The following EDARADD variants were observed in gnomAD, a reference collection of about 807,000 sequenced individuals.
EDARADD encodes ectodysplasin-A receptor-associated adapter protein.
EDARADD carries 20 observed loss-of-function variants against 25.6 expected under a neutral mutation model. The ratio of observed to expected loss-of-function variants is 0.78; its 90% CI spans 0.55 to 1.14. The LOEUF (loss-of-function observed/expected upper bound fraction) is 1.14. EDARADD is among the 50% of genes most tolerant of loss of function. The pLI is 0.00. For missense variants in EDARADD, 225 were observed against 270.1 expected (o/e 0.83, Z 1.17); for synonymous variants, 86 against 94.4 (o/e 0.91, Z 0.52).
intron 3 of EDARADD, among the ~76,000 whole-genome samples, chr1:236,352,970 A>G (rs1666933810): frequency 6.6e-6 from 1 of 151,844 alleles, no homozygotes; most frequent in Non-Finnish European, 1.5e-5. Context: ...TGACCATGCC[A>G]TGGCACTTGA....
intron 3 of EDARADD, among the ~76,000 whole-genome samples, chr1:236,357,496 T>C (rs554164920): frequency 6.6e-6 from 1 of 152,320 alleles, no homozygotes; most frequent in South Asian, 2.1e-4. Context: ...AAGAAATACC[T>C]GAGACTGGGT....
chr1:236,455,703 G>C (rs1658839494), intron 4 of EDARADD, among the ~76,000 whole-genome samples: 1 of 152,348 alleles, frequency 6.6e-6, no homozygotes, highest in Non-Finnish European at 1.5e-5. Context: ...CAAAACAAGC[G>C]GTGAAAGGGT....
chr1:236,438,224 C>T (rs991828880), intron 4 of EDARADD, among the ~76,000 whole-genome samples: 2 of 152,220 alleles, frequency 1.3e-5, no homozygotes, highest in Non-Finnish European at 2.9e-5. Context: ...TCTGTAAGGA[C>T]CCCATTTCAA....
intron 3 of EDARADD, among the ~76,000 whole-genome samples, chr1:236,354,342 T>C (rs766858244): frequency 4.6e-5 from 7 of 152,176 alleles, no homozygotes; most frequent in Non-Finnish European, 7.3e-5. Context: ...ATACTTGGGT[T>C]CGAATCCAGC....
At chr1:236,405,200 C>T (rs909350246) in intron 1 of EDARADD, among the ~76,000 whole-genome samples, 2 of 152,144 alleles carry the variant, frequency 1.3e-5, no homozygotes, top group South Asian at 4.1e-4. Flanking sequence ...CATTGTTGTG[C>T]TTCAGAAAAC....
In EDARADD at chr1:236,483,433, T is replaced by C. The variant is rs1659739000; in HGVS notation, c.*784T>C. The stretch of plus-strand genomic sequence containing the variant: ...CTGAACGTCACAGAACAAGAGAAGA[T>C]TGACAAACTTATGATAGAGATGGAT... On this transcript the variant is annotated 3_prime_UTR_variant, in exon 6 of 6. Coordinates refer to ENST00000334232, the MANE Select transcript of EDARADD (RefSeq NM_145861.4). The C allele has an allele frequency of 2.7e-6, 3 of 1,112,920 alleles. No homozygotes were observed. The highest frequency in any genetic ancestry group is 1.2e-5 in the South Asian group (1 of 81,090). The allele number at this position is 1,112,920 out of a possible 1,614,324, so 68.9% of individuals were successfully genotyped here. A position where few individuals can be genotyped will look rare whatever the true frequency, so the allele number is the denominator to read the frequency against.
At chr1:236,419,220 G>A (rs938751499) in intron 3 of EDARADD, among the ~76,000 whole-genome samples, 1 of 151,670 alleles carries the variant, frequency 6.6e-6, no homozygotes, top group Non-Finnish European at 1.5e-5. Flanking sequence ...GACTCCTATC[G>A]CTCCAAAAAG....
intron 3 of EDARADD, among the ~76,000 whole-genome samples, chr1:236,363,006 A>AAAAAAAAAAAAAAAAAATATAT (rs1377112051): frequency 2.3e-5 from 1 of 42,950 alleles, no homozygotes; most frequent in African/African-American, 1.1e-4. Context: ...AAAAAAAAAA[A>AAAAAAAAAAAAAAAAAATATAT]ATATATATAT....
chr1:236,476,652 A>G (rs1380333711), intron 5 of EDARADD, among the ~76,000 whole-genome samples: 1 of 151,818 alleles, frequency 6.6e-6, no homozygotes, highest in Non-Finnish European at 1.5e-5. Flanking sequence ...CAGCCTCCCA[A>G]GTAGCTGGGA....
At chr1:236,479,219 G>A (rs1350069340) in intron 5 of EDARADD, among the ~76,000 whole-genome samples, 2 of 152,114 alleles carry the variant, frequency 1.3e-5, no homozygotes, top group African/African-American at 4.8e-5. Flanking sequence ...TCCCTGGCCA[G>A]TCACGGTGGC....
At chr1:236,417,145 T>C (rs1217358264) in intron 3 of EDARADD, among the ~76,000 whole-genome samples, 2 of 151,852 alleles carry the variant, frequency 1.3e-5, no homozygotes, top group Admixed American at 6.6e-5. Context: ...AATAAATAAA[T>C]AAGTTGTTTT....
Position 236,372,979 on chromosome 1 carries a change from G to A in EDARADD, c.-6+22140G>A, listed in dbSNP as rs1189159971. 4.9e-4 allele frequency among the ~76,000 whole-genome samples: 66 copies of A among 133,994 alleles called. 3 individuals carry two copies. Among genetic ancestry groups the A allele is most frequent in the Non-Finnish European group, 9.4e-5 (6 of 63,730 alleles). 87.9% of individuals were successfully genotyped at this position (133,994 alleles called of 152,430 possible). A position where few individuals can be genotyped will look rare whatever the true frequency, so the allele number is the denominator to read the frequency against. On this transcript the variant is annotated intron_variant, in intron 3 of 7. Coordinates refer to the EDARADD transcript ENST00000439430. ...TACCCAGGCTGGAGTGCAGTGGTGCGATCTCGGCTCACTGCAAGCTCCGCC... is the reference window on the plus strand; with the variant it reads ...TACCCAGGCTGGAGTGCAGTGGTGCAATCTCGGCTCACTGCAAGCTCCGCC...
intron 4 of EDARADD, among the ~76,000 whole-genome samples, chr1:236,466,225 G>A (rs575760490): frequency 1.3e-5 from 2 of 152,292 alleles, no homozygotes; most frequent in East Asian, 3.9e-4. Flanking sequence ...GATCCTGCAG[G>A]AGTGTTGCAG....
intron 3 of EDARADD, among the ~76,000 whole-genome samples, chr1:236,373,279 C>T (rs1667192397): frequency 6.6e-6 from 1 of 151,896 alleles, no homozygotes; most frequent in Non-Finnish European, 1.5e-5. Context: ...CATCTTGGCT[C>T]ACTGCAACCT....
At chr1:236,379,952 G>A (rs1667279268) in intron 3 of EDARADD, among the ~76,000 whole-genome samples, 1 of 151,974 alleles carries the variant, frequency 6.6e-6, no homozygotes, top group Non-Finnish European at 1.5e-5. Context: ...TTTTAAGTAG[G>A]CGTTTCTGCC....
At chr1:236,410,272 G>A (rs1657431691) in intron 2 of EDARADD, among the ~76,000 whole-genome samples, 4 of 151,024 alleles carry the variant, frequency 2.6e-5, no homozygotes, top group Admixed American at 2.6e-4. Context: ...GGAGTCCCTA[G>A]TGTCTGTTAT....
chr1:236,482,973 G>A lies in EDARADD; in HGVS notation c.*324G>A. 1 of 606,814 alleles carries A rather than the reference G, an allele frequency of 1.6e-6. No homozygotes were observed. The highest frequency in any genetic ancestry group is 2.0e-5 in the South Asian group (1 of 49,448). 37.6% of individuals were successfully genotyped at this position (606,814 alleles called of 1,614,324 possible). ...AAAATTATCCTCTCTCTGAAATACG[G>A]TAAAGATTTAAATAGGTCCTGAGAC... On this transcript the variant is annotated 3_prime_UTR_variant, in exon 6 of 6. Coordinates refer to ENST00000334232, the MANE Select transcript of EDARADD (RefSeq NM_145861.4).
upstream of EDARADD, among the ~76,000 whole-genome samples, chr1:236,392,403 G>A (rs1440624996): frequency 2.0e-5 from 3 of 152,000 alleles, no homozygotes; most frequent in East Asian, 5.8e-4. Context: ...AGCTCCCTGA[G>A]GTCTGTAACT....
At chr1:236,379,126 T>C (rs1667264843) in intron 3 of EDARADD, among the ~76,000 whole-genome samples, 1 of 152,204 alleles carries the variant, frequency 6.6e-6, no homozygotes, top group Non-Finnish European at 1.5e-5. Context: ...TCCCAGCACT[T>C]TGAGAGGCCA....
Sources: gnomAD v4.1 joint callset for allele counts (sites outside exome capture counted in the v4.1 genomes callset) on GRCh38, gnomAD v4.1.1 for gene constraint, MANE v1.5 for transcripts, NCBI Gene and HGNC (gene_info 2026-07-23, HGNC 2026-07-21) for gene names.